EXT1: variants seen among roughly 807,000 people sequenced by gnomAD.
The protein encoded by EXT1 is exostosin-1.
EXT1 carries 20 observed loss-of-function variants against 82.5 expected under a neutral mutation model. The observed-to-expected ratio is 0.24, with a 90% CI of 0.17 to 0.35. The LOEUF (loss-of-function observed/expected upper bound fraction) is 0.35. Ranked by LOEUF, EXT1 falls within the 10% of genes least tolerant of loss-of-function variation. EXT1 has a pLI of 1.00. For synonymous variants in EXT1, 348 were observed against 350.8 expected (o/e 0.99, Z 0.09); for missense variants, 757 against 936.5 (o/e 0.81, Z 2.50).
intron 1 of EXT1, among the ~76,000 whole-genome samples, chr8:117,911,527 A>G (rs1359043737): frequency 6.6e-6 from 1 of 152,240 alleles, no homozygotes; most frequent in Non-Finnish European, 1.5e-5. Context: ...TCAAGCTCAG[A>G]GAGCTGCCCT....
At chr8:117,856,260 T>C (rs1055709937) in intron 1 of EXT1, among the ~76,000 whole-genome samples, 4 of 146,630 alleles carry the variant, frequency 2.7e-5, no homozygotes, top group Non-Finnish European at 4.5e-5. Context: ...TTCTTTTTTT[T>C]TTTTTTTGTG....
chr8:117,904,674 A>C (rs1170465285), intron 1 of EXT1, among the ~76,000 whole-genome samples: 1 of 152,192 alleles, frequency 6.6e-6, no homozygotes, highest in Admixed American at 6.5e-5. Context: ...GGTACACCTC[A>C]GGGTACTACC....
chr8:118,033,479 T>G (rs944897216), intron 1 of EXT1, among the ~76,000 whole-genome samples: 1 of 152,204 alleles, frequency 6.6e-6, no homozygotes, highest in Admixed American at 6.5e-5. Flanking sequence ...TCTTATTCAT[T>G]CATGCATTCA....
intron 1 of EXT1, among the ~76,000 whole-genome samples, chr8:117,978,681 G>A (rs138394508): frequency 1.3e-5 from 2 of 152,298 alleles, no homozygotes; most frequent in African/African-American, 2.4e-5. Context: ...CGTGACTCAC[G>A]CTTTTAGTTT....
At chr8:118,101,742 T>C (rs1377080505) in intron 1 of EXT1, among the ~76,000 whole-genome samples, 3 of 152,198 alleles carry the variant, frequency 2.0e-5, no homozygotes, top group Non-Finnish European at 4.4e-5. Context: ...AATTAACACC[T>C]ACAAATGTTT....
intron 1 of EXT1, among the ~76,000 whole-genome samples, chr8:118,017,573 T>C (rs959262025): frequency 6.6e-6 from 1 of 152,146 alleles, no homozygotes; most frequent in Admixed American, 6.6e-5. Flanking sequence ...AGAAAGCAGA[T>C]GATAAATATT....
intron 1 of EXT1, among the ~76,000 whole-genome samples, chr8:117,969,688 T>A (rs952006841): frequency 5.3e-5 from 8 of 152,230 alleles, no homozygotes; most frequent in African/African-American, 1.9e-4. Flanking sequence ...CAGTGGTGTG[T>A]GTGTGTGCGC....
chr8:117,796,479 C>T lies in EXT1; in HGVS notation c.*3233G>A, dbSNP rs1221451735. 1 of 151,972 alleles carries T rather than the reference C, an allele frequency of 6.6e-6. No individual in the cohort carries two copies. The highest frequency in any genetic ancestry group is 2.4e-5 in the African/African-American group (1 of 41,370). The allele number at this position is 151,972 out of a possible 1,614,324, so 9.4% of individuals were successfully genotyped here. A position where few individuals can be genotyped will look rare whatever the true frequency, so the allele number is the denominator to read the frequency against. ...CCACCAGCATAATACTCTTTCAAGT[C>T]ACCAGGTATTTGAGAACCACCAAAA... On this transcript the variant is annotated 3_prime_UTR_variant, in exon 11 of 11. Coordinates refer to ENST00000378204, the MANE Select transcript of EXT1 (RefSeq NM_000127.3).
chr8:117,859,715 T>C (rs1812646785), intron 1 of EXT1, among the ~76,000 whole-genome samples: 1 of 152,262 alleles, frequency 6.6e-6, no homozygotes, highest in South Asian at 2.1e-4. Flanking sequence ...ACTGAACATA[T>C]ATTTTGATTA....
chr8:118,001,867 A>G (rs75945468), intron 1 of EXT1, among the ~76,000 whole-genome samples: 4 of 152,210 alleles, frequency 2.6e-5, no homozygotes, highest in Non-Finnish European at 1.5e-5. Flanking sequence ...ACACTTAGAA[A>G]ACCATGACCA....
chr8:118,057,128 A>G (rs1013682901), intron 1 of EXT1, among the ~76,000 whole-genome samples: 1 of 152,204 alleles, frequency 6.6e-6, no homozygotes, highest in Non-Finnish European at 1.5e-5. Context: ...CCTAACCCTC[A>G]TCACATAATA....
chr8:117,989,948 C>G (rs1279354517), intron 1 of EXT1, among the ~76,000 whole-genome samples: 1 of 152,136 alleles, frequency 6.6e-6, no homozygotes, highest in African/African-American at 2.4e-5. Flanking sequence ...ATAATTCCAG[C>G]ACTTTGAGAG....
intron 1 of EXT1, among the ~76,000 whole-genome samples, chr8:117,907,956 C>A (rs1446624526): frequency 6.6e-6 from 1 of 152,136 alleles, no homozygotes; most frequent in Non-Finnish European, 1.5e-5. Flanking sequence ...TTTGAAAAAG[C>A]CAAATACCTA....
At chr8:117,877,637 C>T (rs918681017) in intron 1 of EXT1, among the ~76,000 whole-genome samples, 7 of 152,050 alleles carry the variant, frequency 4.6e-5, no homozygotes, top group African/African-American at 1.7e-4. Flanking sequence ...TCCAACCTAA[C>T]GATGACAAAG....
At chr8:117,827,883 T>C (rs897308735) in intron 4 of EXT1, among the ~76,000 whole-genome samples, 4 of 151,454 alleles carry the variant, frequency 2.6e-5, no homozygotes, top group Non-Finnish European at 5.9e-5. Flanking sequence ...GGAAGTAATA[T>C]TGAATCTGCA....
intron 8 of EXT1, among the ~76,000 whole-genome samples, chr8:117,810,365 C>T (rs978883219): frequency 3.9e-5 from 6 of 152,174 alleles, no homozygotes; most frequent in African/African-American, 1.4e-4. Context: ...CACAACCACT[C>T]CACTGATCAG....
intron 1 of EXT1, among the ~76,000 whole-genome samples, chr8:118,053,631 C>G (rs1563641588): frequency 6.6e-6 from 1 of 152,124 alleles, no homozygotes; most frequent in Non-Finnish European, 1.5e-5. Flanking sequence ...AGGAGTAATG[C>G]TGTTTTCTTT....
At chr8:118,059,503 C>T (rs1375458660) in intron 1 of EXT1, among the ~76,000 whole-genome samples, 2 of 152,184 alleles carry the variant, frequency 1.3e-5, no homozygotes, top group African/African-American at 2.4e-5. Context: ...TCCTAACAAG[C>T]GGCCCTGTTG....
At chr8:117,839,762 T>C (rs1164987830) in intron 1 of EXT1, among the ~76,000 whole-genome samples, 1 of 152,252 alleles carries the variant, frequency 6.6e-6, no homozygotes, top group Non-Finnish European at 1.5e-5. Context: ...TCTTTCACAC[T>C]GCACATCAAC....
Sources: allele counts gnomAD v4.1 joint callset (sites outside exome capture counted in the v4.1 genomes callset), GRCh38; gene constraint gnomAD v4.1.1; transcripts MANE v1.5; gene names NCBI Gene and HGNC (gene_info 2026-07-23, HGNC 2026-07-21).